The following CASZ1 variants were observed in gnomAD, a reference collection of about 807,000 sequenced individuals.
The protein encoded by CASZ1 is zinc finger protein castor homolog 1.
In CASZ1, 28 loss-of-function variants were observed where a neutral mutation model predicts 135.2. The ratio of observed to expected loss-of-function variants is 0.21; its 90% confidence interval spans 0.15 to 0.28. The LOEUF is 0.28. Ranked by LOEUF, CASZ1 falls within the 10% of genes least tolerant of loss-of-function variation. CASZ1 has a pLI of 1.00. For missense variants in CASZ1, 2,161 were observed against 2,453.3 expected (o/e 0.88, Z 2.52); for synonymous variants, 1,068 against 1,073.4 (o/e 0.99, Z 0.10).
intron 1 of CASZ1, among the ~76,000 whole-genome samples, chr1:10,791,757 GAGAA>G (rs1640960252): frequency 7.0e-6 from 1 of 142,814 alleles, no homozygotes; most frequent in African/African-American, 2.5e-5. Context: ...GAGAGAGAGA[GAGAA>G]GAGAGAGATG....
At chr1:10,673,511 G>C (rs565782351) in intron 4 of CASZ1, among the ~76,000 whole-genome samples, 1 of 152,174 alleles carries the variant, frequency 6.6e-6, no homozygotes, top group African/African-American at 2.4e-5. Flanking sequence ...CCTCTCTCCT[G>C]CTGGGGAGGG....
Position 10,699,414 on chromosome 1 carries a change from C to T in CASZ1, c.-23-5502G>A, listed in dbSNP as rs1166168682. On this transcript the variant is annotated intron_variant, in intron 3 of 20. Transcript: ENST00000377022. This position sits in a 1 kb window ranked among gnomAD's most constrained non-coding sequence, Gnocchi z 4.6. The stretch of plus-strand genomic sequence containing the variant: ...CTGCTCTAAAAGGTGCTCTCAGAGT[C>T]AGTAGAGCCTGGGGATGTGGCATCG... Among the ~76,000 whole-genome samples the T allele has an allele frequency of 6.6e-6, 1 of 152,166 alleles. No individual in the cohort carries two copies. The highest frequency in any genetic ancestry group is 2.4e-5 in the African/African-American group (1 of 41,428).
chr1:10,735,494 A>G lies in CASZ1; in HGVS notation c.-77+25207T>C, dbSNP rs1453814807. Reference sequence around the variant, plus strand: ...CTTGCAGGCTCAGCCAGCTCCACGCAGCGCCAGGGCTGTCCCCAAAGTTTG... The same window carrying G: ...CTTGCAGGCTCAGCCAGCTCCACGCGGCGCCAGGGCTGTCCCCAAAGTTTG... On this transcript the variant is annotated intron_variant, in intron 2 of 20. Coordinates refer to ENST00000377022, the MANE Select transcript of CASZ1 (RefSeq NM_001079843.3). This position sits in a 1 kb window ranked among gnomAD's most constrained non-coding sequence, Gnocchi z 5.1. Among the ~76,000 whole-genome samples the G allele has an allele frequency of 6.6e-6, 1 of 152,100 alleles. No individual in the cohort carries two copies. Among genetic ancestry groups the G allele is most frequent in the Non-Finnish European group, 1.5e-5 (1 of 68,016 alleles).
At chr1:10,789,881 G>A (rs1013721964) in intron 1 of CASZ1, among the ~76,000 whole-genome samples, 3 of 152,098 alleles carry the variant, frequency 2.0e-5, no homozygotes, top group African/African-American at 7.2e-5. Flanking sequence ...GCTCTTAAAC[G>A]CTTGATTAAT....
At chr1:10,649,673 A>G (rs1278455139) in intron 13 of CASZ1, 3 of 503,776 alleles carry the variant, frequency 6.0e-6, no homozygotes, top group Non-Finnish European at 1.1e-5. Context: ...CCTCCACATG[A>G]GCCCGTGCCG....
rs767502529 is a variant in CASZ1, at chr1:10,756,120, C to T, written c.-77+4581G>A. ...CAGGAAGACTGGCTGACACGCCCCT[C>T]GGAGCCAGGCAGAGGCACCAGCTGT... On this transcript the variant is annotated intron_variant, in intron 2 of 20. Transcript: ENST00000377022. This position sits in a 1 kb window ranked among gnomAD's most constrained non-coding sequence, Gnocchi z 5.9. Among the ~76,000 whole-genome samples, 2 of 152,076 alleles carry T rather than the reference C, an allele frequency of 1.3e-5. No individual in the cohort carries two copies. The highest frequency in any genetic ancestry group is 2.1e-4 in the South Asian group (1 of 4,812).
At chr1:10,680,281 G>GT (rs568567605) in intron 4 of CASZ1, among the ~76,000 whole-genome samples, 3 of 145,444 alleles carry the variant, frequency 2.1e-5, no homozygotes, top group Non-Finnish European at 3.0e-5. Context: ...GGGGCGGCGG[G>GT]GGATGGTGGA....
At chr1:10,678,842 G>A (rs753998796) in intron 4 of CASZ1, among the ~76,000 whole-genome samples, 97 of 151,452 alleles carry the variant, frequency 6.4e-4, no homozygotes, top group Admixed American at 3.9e-3. Context: ...TTTACAGCTA[G>A]CTTGCTTAAT....
intron 1 of CASZ1, among the ~76,000 whole-genome samples, chr1:10,764,423 G>A (rs368466922): frequency 9.9e-5 from 15 of 152,234 alleles, no homozygotes; most frequent in African/African-American, 3.4e-4. Flanking sequence ...GAGAACTCTT[G>A]GTATGAACCA....
Position 10,642,934 on chromosome 1 carries a change from C to T in CASZ1, c.4087G>A (p.Ala1363Thr), listed in dbSNP as rs770207190. ...ATGGTGGATGACTCAGAGGACATGGCGCCTGGGCTGCAGCCAGTGTAGTCC... is the reference window on the plus strand; with the variant it reads ...ATGGTGGATGACTCAGAGGACATGGTGCCTGGGCTGCAGCCAGTGTAGTCC... Reference protein sequence around the residue: ...CMDYTGCSPGAMSSESSTMDR... With the variant: ...CMDYTGCSPGTMSSESSTMDR... Residue 1363 changes from alanine (A) to threonine (T), a missense_variant, in exon 20 of 21, where the codon GCC becomes ACC. Coordinates refer to ENST00000377022, the MANE Select transcript of CASZ1 (RefSeq NM_001079843.3). The T allele has an allele frequency of 1.3e-5, 21 of 1,613,020 alleles. No homozygotes were observed. Among genetic ancestry groups the T allele is most frequent in the Admixed American group, 3.3e-5 (2 of 60,018 alleles).
At chr1:10,698,905 G>A (rs889254135) in intron 3 of CASZ1, among the ~76,000 whole-genome samples, 2 of 152,220 alleles carry the variant, frequency 1.3e-5, no homozygotes, top group South Asian at 4.1e-4. Context: ...TTGGCCTCAG[G>A]GCTCTGTGTG....
intron 1 of CASZ1, among the ~76,000 whole-genome samples, chr1:10,793,768 AC>A (rs1641005353): frequency 6.6e-6 from 1 of 151,792 alleles, no homozygotes; most frequent in Non-Finnish European, 1.5e-5. Flanking sequence ...GACTCTGGGG[AC>A]AGAGATGGTG....
At position 10,776,824 on chromosome 1, in the gene CASZ1, C is replaced by A. The variant is rs116248038; in HGVS notation, c.-233-15967G>T. On this transcript the variant is annotated intron_variant, in intron 1 of 20. Coordinates refer to ENST00000377022, the MANE Select transcript of CASZ1 (RefSeq NM_001079843.3). This position sits in a 1 kb window ranked among gnomAD's most constrained non-coding sequence, Gnocchi z 4.1. The stretch of plus-strand genomic sequence containing the variant: ...ATCTTGGGAGGTGGCTGCTTGCCAG[C>A]GATGGAGATGGGGCTAGAACCACCT... Among the ~76,000 whole-genome samples, 1 of 152,150 alleles carries A rather than the reference C, an allele frequency of 6.6e-6. No homozygotes were observed. Among genetic ancestry groups the A allele is most frequent in the Non-Finnish European group, 1.5e-5 (1 of 68,026 alleles).
At chr1:10,748,039 T>C (rs971283373) in intron 2 of CASZ1, among the ~76,000 whole-genome samples, 1 of 152,102 alleles carries the variant, frequency 6.6e-6, no homozygotes. Flanking sequence ...AGGATGGTCT[T>C]GATCTCCTGA....
rs1642839242 is a variant in CASZ1 at position 10,657,353 on chromosome 1, G to A, written c.1410-617C>T. 6.6e-6 allele frequency among the ~76,000 whole-genome samples: 1 copy of A among 152,206 alleles called. No homozygotes were observed. The highest frequency in any genetic ancestry group is 2.1e-4 in the South Asian group (1 of 4,832). ...GGGACGTGGCTCCCACAGCCTCGGT[G>A]ACGGCCGGCCGTGGGGAGGCCACTC... On this transcript the variant is annotated intron_variant, in intron 7 of 20. Coordinates refer to ENST00000377022, the MANE Select transcript of CASZ1 (RefSeq NM_001079843.3). This position sits in a 1 kb window ranked among gnomAD's most constrained non-coding sequence, Gnocchi z 5.7.
At position 10,735,835 on chromosome 1, in the gene CASZ1, G is replaced by C. The variant is rs1035639562; in HGVS notation, c.-77+24866C>G. On this transcript the variant is annotated intron_variant, in intron 2 of 20. Coordinates refer to ENST00000377022, the MANE Select transcript of CASZ1 (RefSeq NM_001079843.3). The surrounding 1 kb of genome is among the most constrained non-coding windows in gnomAD (Gnocchi z 5.1). ...ACACTGGGAGTTGTAGGTAGTCAGG[G>C]AGCCCAGAGGCAGTGGCTTAGGATC... Among the ~76,000 whole-genome samples, 3 of 152,192 alleles carry C rather than the reference G, an allele frequency of 2.0e-5. No individual in the cohort carries two copies. The highest frequency in any genetic ancestry group is 4.4e-5 in the Non-Finnish European group (3 of 68,038).
chr1:10,713,356 T>A (rs1467475015), intron 2 of CASZ1, among the ~76,000 whole-genome samples: 1 of 152,224 alleles, frequency 6.6e-6, no homozygotes, highest in African/African-American at 2.4e-5. Context: ...TTGCACTGCA[T>A]CTCAAATCTT....
In CASZ1 at chr1:10,739,427, A is replaced by G. The variant is rs1394340125; in HGVS notation, c.-77+21274T>C. ...ATGCGCAGGGAAGGGCATGGGGCAC[A>G]GCATGTGTGTGGCCCACACAAGGGC... On this transcript the variant is annotated intron_variant, in intron 2 of 20. Coordinates refer to ENST00000377022, the MANE Select transcript of CASZ1 (RefSeq NM_001079843.3). This position sits in a 1 kb window ranked among gnomAD's most constrained non-coding sequence, Gnocchi z 4.8. 3.3e-5 allele frequency among the ~76,000 whole-genome samples: 5 copies of G among 152,092 alleles called. No homozygotes were observed. Among genetic ancestry groups the G allele is most frequent in the Non-Finnish European group, 7.4e-5 (5 of 68,000 alleles).
intron 4 of CASZ1, among the ~76,000 whole-genome samples, chr1:10,693,669 A>T (rs1182042380): frequency 6.6e-6 from 1 of 152,142 alleles, no homozygotes; most frequent in Non-Finnish European, 1.5e-5. Context: ...CACATTAGTC[A>T]CAGCCTCTAA....
Sources: gnomAD v4.1 joint callset for allele counts (sites outside exome capture counted in the v4.1 genomes callset) on GRCh38, gnomAD v4.1.1 for gene constraint, Gnocchi (gnomAD v3.1) non-coding constraint, MANE v1.5 for transcripts, NCBI Gene and HGNC (gene_info 2026-07-23, HGNC 2026-07-21) for gene names.